TMEM247: variants seen among roughly 807,000 people sequenced by gnomAD.
TMEM247 encodes transmembrane protein ENSP00000343375.
TMEM247 carries 23 observed loss-of-function variants against 20.7 expected under a neutral mutation model. The observed-to-expected ratio is 1.11, with a 90% CI of 0.80 to 1.57. TMEM247 has a LOEUF of 1.57. TMEM247 is among the 40% of genes most tolerant of loss of function. The pLI is 0.00. For synonymous variants in TMEM247, 106 were observed against 111.9 expected, an observed-to-expected ratio of 0.95 and a Z score of 0.33; for missense variants, 354 against 283.8, an observed-to-expected ratio of 1.25 and a Z score of -1.78.
At chr2:46,484,013 A>G (rs1686940183) in intron 2 of TMEM247, among the ~76,000 whole-genome samples, 1 of 151,916 alleles carries the variant, frequency 6.6e-6, no homozygotes, top group Admixed American at 6.6e-5. Flanking sequence ...CTGGTCTCAA[A>G]CTCCTGGCTT....
intron 2 of TMEM247, among the ~76,000 whole-genome samples, chr2:46,482,211 C>T (rs912233514): frequency 1.3e-4 from 20 of 152,336 alleles, no homozygotes; most frequent in African/African-American, 4.6e-4. Flanking sequence ...CTCAGTCAAG[C>T]TTACTGAACT....
At chr2:46,482,014 A>G (rs1476090802) in intron 2 of TMEM247, among the ~76,000 whole-genome samples, 1 of 152,222 alleles carries the variant, frequency 6.6e-6, no homozygotes, top group Non-Finnish European at 1.5e-5. Context: ...CCCAAAATTA[A>G]GATATTACAT....
chr2:46,484,406 A>T, exon 3 of TMEM247: 1 of 1,551,666 alleles, frequency 6.4e-7, no homozygotes, highest in Non-Finnish European at 8.7e-7. Context: ...GCTCTGTTTG[A>T]TTAAAACTTT....
chr2:46,483,740 C>A (rs1279360785), intron 2 of TMEM247, among the ~76,000 whole-genome samples: 2 of 152,196 alleles, frequency 1.3e-5, no homozygotes, highest in African/African-American at 2.4e-5. Context: ...TGCTAGTTAC[C>A]TGACTAGGAA....
chr2:46,480,547 C>G (rs973068979), exon 2 of TMEM247: 2 of 1,551,604 alleles, frequency 1.3e-6, no homozygotes, highest in Admixed American at 2.0e-5. Flanking sequence ...GGCGACGGAC[C>G]CAAACCCGCA....
intron 2 of TMEM247, among the ~76,000 whole-genome samples, chr2:46,482,098 A>G (rs1444819721): frequency 6.6e-6 from 1 of 152,212 alleles, no homozygotes; most frequent in Non-Finnish European, 1.5e-5. Context: ...TTGGTTTTGC[A>G]TCATTTGTTC....
intron 2 of TMEM247, among the ~76,000 whole-genome samples, chr2:46,481,255 T>A (rs1038471781): frequency 6.6e-6 from 1 of 152,188 alleles, no homozygotes; most frequent in African/African-American, 2.4e-5. Context: ...ACCTCCCCGA[T>A]CAGGGCTATG....
Position 46,484,363 on chromosome 2 carries a change from CA to C in TMEM247, c.599del (p.Lys200SerfsTer14). The C allele has an allele frequency of 6.4e-7, 1 of 1,552,426 alleles. No homozygotes were observed. The highest frequency in any genetic ancestry group is 8.7e-7 in the Non-Finnish European group (1 of 1,147,154). On this transcript the variant is annotated frameshift_variant, in exon 3 of 3. Transcript: ENST00000434431. LOFTEE classifies it high-confidence loss of function. ...AGGAGATGGTCTTCTTTCTCTTCGCCAAGCACTACCTATTCTGCATTGCAGC... is the reference window on the plus strand; with the variant it reads ...AGGAGATGGTCTTCTTTCTCTTCGCCAGCACTACCTATTCTGCATTGCAGC...
intron 2 of TMEM247, 125 bp from the exon 3 acceptor site, chr2:46,484,119 C>T (rs1686942119): frequency 1.2e-6 from 1 of 866,490 alleles, no homozygotes; most frequent in Admixed American, 3.0e-5. Context: ...GGCACTATTA[C>T]CCTTTCTTTA....
chr2:46,483,870 C>G (rs1022188786), intron 2 of TMEM247, among the ~76,000 whole-genome samples: 26 of 152,102 alleles, frequency 1.7e-4, no homozygotes, highest in African/African-American at 5.8e-4. Flanking sequence ...TCACCATAAC[C>G]CCGAACTCTT....
At position 46,484,228 on chromosome 2, in the gene TMEM247, C is replaced by CTT; in HGVS notation, c.478-15_478-14dup. ...ACAATGGCATCATCATCTCCACTGT[C>CTT]TTCTCTCCCCCACAGTTTTCAGGAG... is the stretch of plus-strand genomic sequence containing the variant. On this transcript the variant is annotated splice_polypyrimidine_tract_variant and intron_variant, in intron 2 of 2. Transcript: ENST00000434431. 6.5e-7 allele frequency: 1 copy of CTT among 1,544,100 alleles called. No homozygotes were observed. Among genetic ancestry groups the CTT allele is most frequent in the Non-Finnish European group, 8.7e-7 (1 of 1,143,080 alleles).
At position 46,479,643 on chromosome 2, in the gene TMEM247, AC is replaced by A; in HGVS notation, c.60del (p.Phe21SerfsTer114). On this transcript the variant is annotated frameshift_variant, in exon 1 of 3. Coordinates refer to ENST00000434431, the Ensembl canonical transcript of TMEM247. LOFTEE classifies it high-confidence loss of function. Reference sequence around the variant, plus strand: ...CCGGGGTGCGGGAGAAAGTTGCCCGACCTTCCCCAAGATGGTGCCTGGTGAC... The same window carrying A: ...CCGGGGTGCGGGAGAAAGTTGCCCGACTTCCCCAAGATGGTGCCTGGTGAC... 1.3e-6 allele frequency: 2 copies of A among 1,551,652 alleles called. No individual in the cohort carries two copies. The highest frequency in any genetic ancestry group is 1.7e-6 in the Non-Finnish European group (2 of 1,146,966).
chr2:46,484,126 T>C, intron 2 of TMEM247, 118 bp from the exon 3 acceptor site: 1 of 915,894 alleles, frequency 1.1e-6, no homozygotes, highest in Non-Finnish European at 1.6e-6. Flanking sequence ...TTACCCTTTC[T>C]TTAGGTGAAG....
intron 2 of TMEM247, 51 bp from the exon 3 acceptor site, chr2:46,484,193 C>T: frequency 6.7e-7 from 1 of 1,493,214 alleles, no homozygotes; most frequent in Non-Finnish European, 9.0e-7. Flanking sequence ...CCTAGATCTG[C>T]CTGGCGCCAA....
chr2:46,481,677 G>A (rs536605791), intron 2 of TMEM247, among the ~76,000 whole-genome samples: 5 of 152,180 alleles, frequency 3.3e-5, no homozygotes, highest in Non-Finnish European at 7.3e-5. Flanking sequence ...ATAAACGTTA[G>A]CTACTACCAT....
chr2:46,480,460 C>G (rs1000983770), exon 2 of TMEM247: 2 of 1,551,488 alleles, frequency 1.3e-6, no homozygotes, highest in African/African-American at 2.7e-5. Context: ...GAGATGGAAG[C>G]TTGTGAGGAC....
intron 2 of TMEM247, among the ~76,000 whole-genome samples, chr2:46,481,303 A>C (rs958644724): frequency 1.3e-5 from 2 of 152,202 alleles, no homozygotes; most frequent in African/African-American, 2.4e-5. Context: ...TAGTCAACTG[A>C]AACAGCCATC....
chr2:46,482,643 C>T (rs1385404365), intron 2 of TMEM247, among the ~76,000 whole-genome samples: 2 of 152,212 alleles, frequency 1.3e-5, no homozygotes, highest in South Asian at 4.1e-4. Context: ...AATGATCACT[C>T]ATCAGCATTT....
intron 2 of TMEM247, among the ~76,000 whole-genome samples, chr2:46,483,135 G>A (rs1326975049): frequency 1.3e-5 from 2 of 152,126 alleles, no homozygotes; most frequent in African/African-American, 4.8e-5. Flanking sequence ...AATATGCCAT[G>A]ATTTTTACAA....
Sources: gnomAD v4.1 joint callset for allele counts (sites outside exome capture counted in the v4.1 genomes callset) on GRCh38, gnomAD v4.1.1 for gene constraint, MANE v1.5 for transcripts, NCBI Gene and HGNC (gene_info 2026-07-23, HGNC 2026-07-21) for gene names.